GABRR3: variants seen among roughly 807,000 people sequenced by gnomAD.
GABRR3 encodes the protein gamma-aminobutyric acid type A receptor subunit rho3.
GABRR3 carries 29 observed loss-of-function variants against 43.2 expected under a neutral mutation model. That is an observed-to-expected ratio of 0.67 (90% CI 0.50 to 0.92). The LOEUF is 0.92. GABRR3 is among the 40% of genes least tolerant of loss of function. GABRR3 has a pLI of 0.00. For missense variants in GABRR3, 576 were observed against 572.3 expected (o/e 1.01, Z -0.07); for synonymous variants, 206 against 195.9 (o/e 1.05, Z -0.43).
chr3:98,020,756 T>G (rs2107245534), intron 3 of GABRR3, among the ~76,000 whole-genome samples: 1 of 152,244 alleles, frequency 6.6e-6, no homozygotes, highest in East Asian at 1.9e-4. Flanking sequence ...TTCGATTTCT[T>G]CCTTTCGTCC....
intron 8 of GABRR3, among the ~76,000 whole-genome samples, chr3:97,995,195 T>C (rs1312895379): frequency 6.6e-6 from 1 of 152,142 alleles, no homozygotes; most frequent in Non-Finnish European, 1.5e-5. Context: ...TAGGCTGGTC[T>C]CAAAATCCCA....
chr3:98,028,893 G>A (rs1707053793), intron 2 of GABRR3, among the ~76,000 whole-genome samples: 1 of 152,208 alleles, frequency 6.6e-6, no homozygotes, highest in South Asian at 2.1e-4. Flanking sequence ...TAAAACCAAG[G>A]AGACAGAAGG....
chr3:98,025,585 T>C (rs1397798885), exon 3 of GABRR3: 4 of 1,610,754 alleles, frequency 2.5e-6, no homozygotes, highest in Non-Finnish European at 3.4e-6. Context: ...CCAGGTCTCA[T>C]TGCGAAATCG....
chr3:98,027,774 T>C (rs1238160104), intron 2 of GABRR3, among the ~76,000 whole-genome samples: 1 of 152,236 alleles, frequency 6.6e-6, no homozygotes, highest in Non-Finnish European at 1.5e-5. Context: ...TATATTTAAA[T>C]AGACATTTAC....
At chr3:98,028,292 T>C (rs1707046934) in intron 2 of GABRR3, among the ~76,000 whole-genome samples, 2 of 152,206 alleles carry the variant, frequency 1.3e-5, no homozygotes, top group Non-Finnish European at 2.9e-5. Context: ...TTTGTTCATA[T>C]ATGTGGAAGT....
downstream of GABRR3, among the ~76,000 whole-genome samples, chr3:97,985,307 C>G (rs1010894227): frequency 6.6e-6 from 1 of 152,096 alleles, no homozygotes; most frequent in Non-Finnish European, 1.5e-5. Context: ...TATTTAATAC[C>G]CACTTGACCT....
chr3:97,992,178 A>G (rs1706477099), intron 9 of GABRR3, among the ~76,000 whole-genome samples: 1 of 152,182 alleles, frequency 6.6e-6, no homozygotes, highest in African/African-American at 2.4e-5. Context: ...CCCAGAAGGC[A>G]CCTCATTCCT....
chr3:98,018,969 G>T (rs1352029926), intron 3 of GABRR3, among the ~76,000 whole-genome samples: 1 of 152,002 alleles, frequency 6.6e-6, no homozygotes, highest in Admixed American at 6.5e-5. Flanking sequence ...AATTAGCCAG[G>T]CGTGATGGTG....
intron 3 of GABRR3, 117 bp downstream of exon 3, chr3:98,025,450 T>C: frequency 1.6e-6 from 1 of 623,912 alleles, no homozygotes; most frequent in Non-Finnish European, 2.7e-6. Context: ...GTAAAAGCCT[T>C]CTTTTTTTGT....
chr3:98,015,820 T>C (rs1264322538), intron 4 of GABRR3, among the ~76,000 whole-genome samples: 1 of 152,166 alleles, frequency 6.6e-6, no homozygotes, highest in Non-Finnish European at 1.5e-5. Flanking sequence ...AAATGTTGTG[T>C]TGGAATTTGA....
intron 2 of GABRR3, among the ~76,000 whole-genome samples, chr3:98,032,269 A>G (rs1707095653): frequency 6.6e-6 from 1 of 152,168 alleles, no homozygotes. Context: ...ATTTAATTTA[A>G]TTGCAGGCTT....
intron 9 of GABRR3, among the ~76,000 whole-genome samples, chr3:97,992,198 T>TG (rs1706477464): frequency 6.6e-6 from 1 of 152,118 alleles, no homozygotes; most frequent in African/African-American, 2.4e-5. Flanking sequence ...TAGGATACTG[T>TG]GGGGGGAAGA....
chr3:97,987,011 T>C, intron 9 of GABRR3, 29 bp from the exon 10 acceptor site: 1 of 1,412,768 alleles, frequency 7.1e-7, no homozygotes, highest in Non-Finnish European at 9.5e-7. Flanking sequence ...TTAAAGTAGG[T>C]CTTGAATATG....
At chr3:98,001,402 G>A (rs1238215368) in intron 8 of GABRR3, 1 of 552,532 alleles carries the variant, frequency 1.8e-6, no homozygotes, top group Non-Finnish European at 3.3e-6. Context: ...AGTCAGCAAA[G>A]ACTTCATCCC....
At chr3:98,018,553 G>A (rs1373183419) in intron 3 of GABRR3, among the ~76,000 whole-genome samples, 1 of 152,014 alleles carries the variant, frequency 6.6e-6, no homozygotes, top group Non-Finnish European at 1.5e-5. Flanking sequence ...CCTAACAAAC[G>A]ATTTCACCAC....
downstream of GABRR3, among the ~76,000 whole-genome samples, chr3:97,985,702 G>C (rs1353718460): frequency 6.6e-6 from 1 of 152,010 alleles, no homozygotes. Flanking sequence ...CCTCTAAAAA[G>C]CTGTGAAAAC....
intron 9 of GABRR3, among the ~76,000 whole-genome samples, chr3:97,989,113 G>C (rs1706428261): frequency 6.6e-6 from 1 of 151,472 alleles, no homozygotes; most frequent in Admixed American, 6.6e-5. Flanking sequence ...GACGGTGGTA[G>C]ATGGTGGTGT....
chr3:98,024,177 G>A (rs182382566), intron 3 of GABRR3, among the ~76,000 whole-genome samples: 5 of 152,144 alleles, frequency 3.3e-5, no homozygotes, highest in East Asian at 3.9e-4. Flanking sequence ...GACCAACAGG[G>A]TGAAACCCTC....
chr3:98,034,853 A>T lies in GABRR3; in HGVS notation c.125+10T>A. 1 of 1,612,716 alleles carries T rather than the reference A, an allele frequency of 6.2e-7. No homozygotes were observed. Among genetic ancestry groups the T allele is most frequent in the African/African-American group, 1.3e-5 (1 of 74,952 alleles). On this transcript the variant is annotated intron_variant, in intron 2 of 9. Coordinates refer to ENST00000621172, the Ensembl canonical transcript of GABRR3. ...CAGTAATTCCATGGACTGCACTATGAGCATCTTACCAGGTTTGTTTCATTG... is the reference window on the plus strand; with the variant it reads ...CAGTAATTCCATGGACTGCACTATGTGCATCTTACCAGGTTTGTTTCATTG...
Sources: gnomAD v4.1 joint callset for allele counts (sites outside exome capture counted in the v4.1 genomes callset) on GRCh38, gnomAD v4.1.1 for gene constraint, MANE v1.5 for transcripts, NCBI Gene and HGNC (gene_info 2026-07-23, HGNC 2026-07-21) for gene names.